Variants in CNTN6 observed in about 807,000 individuals in gnomAD.
The protein encoded by CNTN6 is contactin-6.
In CNTN6, 137 loss-of-function variants were observed where a neutral mutation model predicts 122.8. The ratio of observed to expected loss-of-function variants is 1.12; its 90% CI spans 0.97 to 1.29. The LOEUF is 1.29. CNTN6 is among the 50% of genes most tolerant of loss of function. The probability of loss-of-function intolerance (pLI) is 0.00; values close to 1 mark genes in which losing one functional copy is unlikely to be tolerated. For synonymous variants in CNTN6, 570 were observed against 426.0 expected, an observed-to-expected ratio of 1.34 and a Z score of -4.16; for missense variants, 1,634 against 1,223.4, an observed-to-expected ratio of 1.34 and a Z score of -5.01.
chr3:1,201,097 TTTTG>T (rs1458645666), intron 2 of CNTN6, among the ~76,000 whole-genome samples: 1,453 of 112,774 alleles, frequency 0.013, 13 homozygotes, highest in Middle Eastern at 0.018. Flanking sequence ...CCAGCTAACA[TTTTG>T]TGTGTGTGTG....
chr3:1,235,162 G>C (rs773209634), intron 4 of CNTN6, among the ~76,000 whole-genome samples: 5 of 152,054 alleles, frequency 3.3e-5, no homozygotes, highest in Non-Finnish European at 5.9e-5. Context: ...AGTCTTTTTA[G>C]TTCATTTGAA....
chr3:1,334,470 A>G (rs1702767123), intron 11 of CNTN6, among the ~76,000 whole-genome samples: 1 of 151,948 alleles, frequency 6.6e-6, no homozygotes, highest in South Asian at 2.1e-4. Flanking sequence ...CACTATATTC[A>G]TGCAGTGTCT....
intron 1 of CNTN6, among the ~76,000 whole-genome samples, chr3:1,102,993 C>T (rs1430108482): frequency 1.3e-5 from 2 of 151,140 alleles, no homozygotes; most frequent in Non-Finnish European, 2.9e-5. Flanking sequence ...GTGGTCCCAG[C>T]TACTCGGGAG....
At position 1,352,448 on chromosome 3, in the gene CNTN6, A is replaced by G. The variant is rs747675862; in HGVS notation, c.1489A>G (p.Lys497Glu). ...AAAGAACACTGGCAGCCTCATTGTAAAAGGTATCATATTATCTTCATTTGT... is the reference window on the plus strand; with the variant it reads ...AAAGAACACTGGCAGCCTCATTGTAGAAGGTATCATATTATCTTCATTTGT... ...TAKNTGSLIV[K>E]ERTVITVPPS... Residue 497 changes from lysine (K) to glutamate (E), a missense_variant, in exon 12 of 23, where the codon AAA becomes GAA. Coordinates refer to ENST00000446702, the MANE Select transcript of CNTN6 (RefSeq NM_001289080.2). 22 of 1,609,856 alleles carry G rather than the reference A, an allele frequency of 1.4e-5. No homozygotes were observed. Among genetic ancestry groups the G allele is most frequent in the Non-Finnish European group, 1.8e-5 (21 of 1,177,324 alleles).
intron 4 of CNTN6, among the ~76,000 whole-genome samples, chr3:1,263,844 AGAGT>A (rs766273523): frequency 2.6e-5 from 4 of 151,918 alleles, no homozygotes; most frequent in Non-Finnish European, 4.4e-5. Context: ...GGAAAAATAC[AGAGT>A]GATAGGGAAC....
At chr3:1,218,165 G>C (rs2094154002) in intron 2 of CNTN6, among the ~76,000 whole-genome samples, 1 of 152,070 alleles carries the variant, frequency 6.6e-6, no homozygotes, top group Non-Finnish European at 1.5e-5. Flanking sequence ...GCCCAAGTAA[G>C]GTGAGAAGGC....
At chr3:1,370,559 G>A (rs1044809075) in intron 12 of CNTN6, among the ~76,000 whole-genome samples, 2 of 152,084 alleles carry the variant, frequency 1.3e-5, no homozygotes, top group Non-Finnish European at 2.9e-5. Flanking sequence ...AATATAAAGT[G>A]CATGCATCTG....
At chr3:1,330,503 G>A (rs1249128656) in intron 11 of CNTN6, among the ~76,000 whole-genome samples, 11 of 151,986 alleles carry the variant, frequency 7.2e-5, no homozygotes, top group African/African-American at 1.2e-4. Flanking sequence ...AAAAAAAGAC[G>A]GGTGTTTTTC....
chr3:1,250,403 G>T (rs972200587), intron 4 of CNTN6, among the ~76,000 whole-genome samples: 1 of 152,156 alleles, frequency 6.6e-6, no homozygotes, highest in African/African-American at 2.4e-5. Context: ...GTCAGAGTCT[G>T]TGATGCACTG....
chr3:1,279,059 A>G (rs1692919172), intron 5 of CNTN6, among the ~76,000 whole-genome samples: 1 of 152,336 alleles, frequency 6.6e-6, no homozygotes, highest in East Asian at 1.9e-4. Context: ...TCCTCTTGGC[A>G]ATGTCACATT....
intron 1 of CNTN6, among the ~76,000 whole-genome samples, chr3:1,122,200 T>A (rs2091972892): frequency 6.6e-6 from 1 of 151,822 alleles, no homozygotes; most frequent in South Asian, 2.1e-4. Flanking sequence ...CCTGAATGTA[T>A]GTGCATATCC....
In CNTN6 at chr3:1,278,458, G is replaced by A. The variant is rs375832321; in HGVS notation, c.404G>A (p.Arg135Gln). The change falls in exon 5 of 23, where the codon CGA (arginine) becomes CAA (glutamine). Residue 135 changes from arginine (R) to glutamine (Q), a missense_variant. Physicochemically the swap from Arg to Gln is conservative, Grantham distance 43. Transcript: ENST00000446702. ...AAAACAAGAAGCACAGTATCTGTCC[G>A]AGAAGGTCAAGGTGTGGTGCTTCTC... ...ETKTRSTVSV[R>Q]EGQGVVLLCG... 67 of 1,612,466 alleles carry A rather than the reference G, an allele frequency of 4.2e-5. No individual in the cohort carries two copies. Among genetic ancestry groups the A allele is most frequent in the Non-Finnish European group, 4.9e-5 (58 of 1,179,038 alleles).
intron 7 of CNTN6, among the ~76,000 whole-genome samples, chr3:1,312,890 C>G (rs1317199986): frequency 6.7e-6 from 1 of 150,302 alleles, no homozygotes; most frequent in Admixed American, 6.7e-5. Flanking sequence ...TGTTCATCTA[C>G]AAAATGTGAA....
At chr3:1,182,583 C>T (rs957968280) in intron 2 of CNTN6, among the ~76,000 whole-genome samples, 3 of 100,616 alleles carry the variant, frequency 3.0e-5, no homozygotes, top group African/African-American at 1.2e-4. Flanking sequence ...ATCATTTGCC[C>T]ACATTCTCCT....
chr3:1,403,275 A>G (rs1695962938), intron 22 of CNTN6, 43 bp from the exon 23 acceptor site: 2 of 1,335,528 alleles, frequency 1.5e-6, no homozygotes, highest in Non-Finnish European at 1.1e-6. Flanking sequence ...AACAGGCAAT[A>G]CTTTATCTCA....
intron 17 of CNTN6, among the ~76,000 whole-genome samples, chr3:1,380,979 T>G (rs1346235673): frequency 1.3e-5 from 2 of 151,920 alleles, no homozygotes; most frequent in Non-Finnish European, 2.9e-5. Context: ...CTATATATAT[T>G]TTTTAATCAT....
chr3:1,319,833 G>GAAAAAAAAATAAAAT (rs1700596807), intron 7 of CNTN6, among the ~76,000 whole-genome samples: 1 of 136,022 alleles, frequency 7.4e-6, no homozygotes, highest in African/African-American at 2.8e-5. Context: ...ACAGAGAGCA[G>GAAAAAAAAATAAAAT]AAAATAAAAT....
At chr3:1,205,876 G>C (rs568511659) in intron 2 of CNTN6, among the ~76,000 whole-genome samples, 37 of 152,220 alleles carry the variant, frequency 2.4e-4, no homozygotes, top group Non-Finnish European at 4.9e-4. Context: ...TAAGAAAGCT[G>C]TTACAAAAGC....
At chr3:1,398,141 T>A (rs1158557346) in intron 20 of CNTN6, among the ~76,000 whole-genome samples, 2 of 152,298 alleles carry the variant, frequency 1.3e-5, no homozygotes, top group East Asian at 3.9e-4. Context: ...ATGTGTTTTG[T>A]GCTATCCATG....
Sources: gnomAD v4.1 joint callset for allele counts (sites outside exome capture counted in the v4.1 genomes callset) on GRCh38, gnomAD v4.1.1 for gene constraint, MANE v1.5 for transcripts, NCBI Gene and HGNC (gene_info 2026-07-23, HGNC 2026-07-21) for gene names.